The following LARGE1 variants were observed in gnomAD, a reference collection of about 807,000 sequenced individuals.
LARGE1 encodes the protein LARGE xylosyl- and glucuronyltransferase 1.
LARGE1 carries 43 observed loss-of-function variants against 87.6 expected under a neutral mutation model. The observed-to-expected ratio is 0.49, with a 90% CI of 0.38 to 0.63. The LOEUF (loss-of-function observed/expected upper bound fraction) is 0.63. Among genes scored for constraint, LARGE1 ranks in the 30% least tolerant of loss-of-function variants. The pLI is 0.00. For synonymous variants in LARGE1, 434 were observed against 394.6 expected (o/e 1.10, Z -1.18); for missense variants, 802 against 1,000.2 (o/e 0.80, Z 2.67).
At chr22:33,651,800 T>C (rs16992711) in intron 2 of LARGE1, among the ~76,000 whole-genome samples, 9,787 of 152,278 alleles carry the variant, frequency 0.064, 857 homozygotes, top group African/African-American at 0.21. Context: ...ACCCATCTCA[T>C]GGTTTTCCCA....
chr22:33,307,009 G>A (rs77284980), intron 11 of LARGE1, among the ~76,000 whole-genome samples: 3,796 of 152,248 alleles, frequency 0.025, 145 homozygotes, highest in African/African-American at 0.087. Context: ...GTGACACAAC[G>A]CACTGCTGTT....
intron 1 of LARGE1, among the ~76,000 whole-genome samples, chr22:33,848,964 G>A (rs114165628): frequency 2.6e-5 from 4 of 152,164 alleles, no homozygotes; most frequent in Admixed American, 6.5e-5. Flanking sequence ...TGCTTCACTC[G>A]CTCTGCTTCA....
intron 7 of LARGE1, among the ~76,000 whole-genome samples, chr22:33,413,520 A>G (rs2066384454): frequency 1.3e-5 from 2 of 151,938 alleles, no homozygotes; most frequent in South Asian, 2.1e-4. Flanking sequence ...ACTGGAGTGC[A>G]GTGGCGAGAT....
chr22:33,867,767 T>C (rs1267093014), intron 1 of LARGE1, among the ~76,000 whole-genome samples: 2 of 152,156 alleles, frequency 1.3e-5, no homozygotes, highest in Non-Finnish European at 2.9e-5. Flanking sequence ...GTAAAAATAG[T>C]GCATGCTTCA....
intron 1 of LARGE1, among the ~76,000 whole-genome samples, chr22:33,776,210 C>G (rs2085231994): frequency 6.6e-6 from 1 of 152,166 alleles, no homozygotes. Flanking sequence ...AATTTCCACC[C>G]TTTGTATTGT....
At chr22:33,709,983 A>C (rs998914709) in intron 2 of LARGE1, among the ~76,000 whole-genome samples, 4 of 149,600 alleles carry the variant, frequency 2.7e-5, no homozygotes, top group African/African-American at 7.4e-5. Flanking sequence ...TAGGCAGAAA[A>C]AAAAAAAAAA....
intron 6 of LARGE1, among the ~76,000 whole-genome samples, chr22:33,506,546 G>T (rs5998973): frequency 6.6e-6 from 1 of 152,198 alleles, no homozygotes. Flanking sequence ...TACGTCAAAA[G>T]TGGAGGAGGA....
Position 33,337,697 on chromosome 22 carries a change from C to T in LARGE1, c.1236G>A (p.Leu412=). 1 of 1,614,152 alleles carries T rather than the reference C, an allele frequency of 6.2e-7. No homozygotes were observed. The highest frequency in any genetic ancestry group is 8.5e-7 in the Non-Finnish European group (1 of 1,180,034). The change falls in exon 10 of 15, where the codon CTG becomes CTA. Residue 412 remains leucine, a synonymous_variant. Coordinates refer to ENST00000397394, the MANE Select transcript of LARGE1 (RefSeq NM_133642.5). ...TGGGGCAGCCAAACAGTTCCCGCCT[C>T]AGAAGATTGCCGTCATACTCCAGGA... ...LTFLEYDGNL[L]RRELFGCPSE...
At chr22:33,851,400 A>G (rs1946079545) in intron 1 of LARGE1, among the ~76,000 whole-genome samples, 2 of 152,124 alleles carry the variant, frequency 1.3e-5, no homozygotes, top group South Asian at 2.1e-4. Flanking sequence ...CAACCTTTGC[A>G]TTTCTGCCTT....
the LARGE1 span, among the ~76,000 whole-genome samples, chr22:33,151,462 A>G: frequency 2.0e-5 from 3 of 151,972 alleles, no homozygotes; most frequent in Admixed American, 6.5e-5. Context: ...TCTTTATTCC[A>G]TTGGTTTCTA....
chr22:33,195,756 C>CTTTTTTT (rs71187249), intron 11 of LARGE1, among the ~76,000 whole-genome samples: 14 of 130,742 alleles, frequency 1.1e-4, no homozygotes, highest in Non-Finnish European at 1.8e-4. Context: ...TTTCTTTTTT[C>CTTTTTTT]TTTTTTTTTT....
At chr22:33,276,517 C>T (rs1356696870) in intron 14 of LARGE1, among the ~76,000 whole-genome samples, 2 of 152,234 alleles carry the variant, frequency 1.3e-5, no homozygotes, top group African/African-American at 2.4e-5. Context: ...GTTTCACCTA[C>T]TAGAATTCTG....
chr22:33,332,712 CTT>C (rs1937888830), intron 10 of LARGE1, among the ~76,000 whole-genome samples: 1 of 152,186 alleles, frequency 6.6e-6, no homozygotes. Context: ...GCAGATAACA[CTT>C]GACGCGCTGC....
chr22:33,458,513 C>T (rs1206358665), intron 6 of LARGE1, among the ~76,000 whole-genome samples: 2 of 151,978 alleles, frequency 1.3e-5, no homozygotes, highest in South Asian at 2.1e-4. Context: ...CTCACCACAA[C>T]CTCCGCTTCC....
chr22:33,315,876 C>T (rs1176232470), intron 11 of LARGE1, among the ~76,000 whole-genome samples: 1 of 152,166 alleles, frequency 6.6e-6, no homozygotes, highest in East Asian at 1.9e-4. Context: ...GATCTGCCTG[C>T]CTGGGGCTCC....
chr22:33,479,745 C>CTTTT (rs35004846), intron 6 of LARGE1, among the ~76,000 whole-genome samples: 1 of 139,090 alleles, frequency 7.2e-6, no homozygotes, highest in Admixed American at 7.2e-5. Flanking sequence ...AAAGTAATGA[C>CTTTT]TTTTTTTTTT....
At chr22:33,853,586 T>C (rs2063672108) in intron 1 of LARGE1, among the ~76,000 whole-genome samples, 1 of 152,218 alleles carries the variant, frequency 6.6e-6, no homozygotes, top group South Asian at 2.1e-4. Context: ...TGTTCACAGA[T>C]ACATGTGGCC....
At chr22:33,145,668 G>A in the LARGE1 span, among the ~76,000 whole-genome samples, 1 of 152,168 alleles carries the variant, frequency 6.6e-6, no homozygotes, top group Non-Finnish European at 1.5e-5. Flanking sequence ...AATTCAGAAG[G>A]CTGGAACTAA....
chr22:33,606,802 A>T (rs1311761427), intron 4 of LARGE1, among the ~76,000 whole-genome samples: 1 of 152,048 alleles, frequency 6.6e-6, no homozygotes, highest in Non-Finnish European at 1.5e-5. Context: ...CTCCACATTC[A>T]GCACTTGGTT....
Sources: allele counts gnomAD v4.1 joint callset (sites outside exome capture counted in the v4.1 genomes callset), GRCh38; gene constraint gnomAD v4.1.1; transcripts MANE v1.5; gene names NCBI Gene and HGNC (gene_info 2026-07-23, HGNC 2026-07-21).